NBEA: variants seen among roughly 807,000 people sequenced by gnomAD.
NBEA encodes the protein neurobeachin, also known as lysosomal-trafficking regulator 2.
In NBEA, 44 loss-of-function variants were observed where a neutral mutation model predicts 343.4. The observed-to-expected ratio is 0.13, with a 90% CI of 0.10 to 0.16. The LOEUF is 0.16. Among genes scored for constraint, NBEA ranks in the 10% least tolerant of loss-of-function variants. NBEA has a pLI of 1.00. For synonymous variants in NBEA, 1,175 were observed against 1,238.7 expected, an observed-to-expected ratio of 0.95 and a Z score of 1.08; for missense variants, 2,555 against 3,631.3, an observed-to-expected ratio of 0.70 and a Z score of 7.62.
intron 38 of NBEA, among the ~76,000 whole-genome samples, chr13:35,412,048 T>C: frequency 6.6e-6 from 1 of 152,188 alleles, no homozygotes; most frequent in East Asian, 1.9e-4. Context: ...CCTTAAACTA[T>C]ATCCTGTTCA....
chr13:35,157,321 A>C lies in NBEA; in HGVS notation c.2844+51A>C, dbSNP rs532607853. ...ATCATCAGAGTTATTGCAGTGGATTAAATGGCTACAAACATGCATCTGGTG... is the reference window on the plus strand; with the variant it reads ...ATCATCAGAGTTATTGCAGTGGATTCAATGGCTACAAACATGCATCTGGTG... On this transcript the variant is annotated intron_variant, in intron 21 of 58. Transcript: ENST00000379939. The C allele has an allele frequency of 6.6e-5, 88 of 1,323,836 alleles. 2 individuals are homozygous for C. In the South Asian group the frequency reaches 1.6e-3, roughly 24 times the overall value. 82.0% of individuals were successfully genotyped at this position (1,323,836 alleles called of 1,614,324 possible).
chr13:35,588,790 C>A (rs1283175690), intron 46 of NBEA, among the ~76,000 whole-genome samples: 1 of 152,094 alleles, frequency 6.6e-6, no homozygotes, highest in African/African-American at 2.4e-5. Context: ...AAATCTTTTT[C>A]CCTGGCTTGC....
At chr13:35,406,882 AAAATACTTGCTCTT>A (rs751880385) in intron 38 of NBEA, among the ~76,000 whole-genome samples, 5 of 152,052 alleles carry the variant, frequency 3.3e-5, no homozygotes, top group Non-Finnish European at 7.4e-5. Flanking sequence ...CAACACACTT[AAAATACTTGCTCTT>A]ATGTCTTACA....
At chr13:35,377,159 T>A (rs944329808) in intron 38 of NBEA, among the ~76,000 whole-genome samples, 1 of 152,202 alleles carries the variant, frequency 6.6e-6, no homozygotes, top group African/African-American at 2.4e-5. Context: ...AAGAAACAGA[T>A]GTCTCCACCA....
intron 34 of NBEA, among the ~76,000 whole-genome samples, chr13:35,264,165 G>GA (rs964095857): frequency 1.0e-3 from 147 of 145,498 alleles, no homozygotes; most frequent in African/African-American, 1.8e-3. Context: ...TAGAAGAAAT[G>GA]AAAAAAAAAA....
chr13:34,962,117 G>A (rs941957014), intron 1 of NBEA, among the ~76,000 whole-genome samples: 3 of 151,958 alleles, frequency 2.0e-5, no homozygotes, highest in African/African-American at 2.4e-5. Context: ...TTATGTATAT[G>A]GCTTGTATCT....
intron 1 of NBEA, among the ~76,000 whole-genome samples, chr13:35,010,593 A>T (rs1264426104): frequency 6.7e-6 from 1 of 148,818 alleles, no homozygotes. Context: ...AAAAAAAAAA[A>T]ATAGATGGGC....
At chr13:34,963,580 A>G (rs908531797) in intron 1 of NBEA, among the ~76,000 whole-genome samples, 1 of 152,036 alleles carries the variant, frequency 6.6e-6, no homozygotes, top group Non-Finnish European at 1.5e-5. Flanking sequence ...AGTGATAAAA[A>G]TGTAAGGTCT....
intron 33 of NBEA, 95 bp from the exon 34 acceptor site, chr13:35,232,396 AT>A: frequency 1.2e-6 from 1 of 848,434 alleles, no homozygotes; most frequent in South Asian, 1.9e-5. Context: ...TAGAAAGGAC[AT>A]TTATGATTTT....
chr13:35,422,456 T>C (rs1354567669), intron 38 of NBEA, among the ~76,000 whole-genome samples: 3 of 152,244 alleles, frequency 2.0e-5, no homozygotes, highest in South Asian at 2.1e-4. Flanking sequence ...GTTTCATCCA[T>C]GTCCCTACAA....
intron 46 of NBEA, among the ~76,000 whole-genome samples, chr13:35,586,444 T>G (rs984638220): frequency 6.6e-6 from 1 of 152,182 alleles, no homozygotes; most frequent in South Asian, 2.1e-4. Context: ...GACTAACTAG[T>G]CTTTTGAGAA....
At chr13:35,170,084 G>A (rs2070345349) in intron 25 of NBEA, among the ~76,000 whole-genome samples, 1 of 151,714 alleles carries the variant, frequency 6.6e-6, no homozygotes, top group South Asian at 2.1e-4. Flanking sequence ...TATAATGCTT[G>A]TAGTAGCCAC....
intron 44 of NBEA, 128 bp downstream of exon 44, chr13:35,555,230 C>T: frequency 1.9e-6 from 1 of 518,624 alleles, no homozygotes; most frequent in Non-Finnish European, 3.3e-6. Flanking sequence ...TTGAAGCACT[C>T]ACATTAAATT....
intron 13 of NBEA, among the ~76,000 whole-genome samples, chr13:35,113,627 A>ATCTATCCGTCTG (rs138177740): frequency 1.3e-5 from 2 of 150,610 alleles, no homozygotes; most frequent in African/African-American, 4.9e-5. Flanking sequence ...CTATCTATCT[A>ATCTATCCGTCTG]TCTGTCTGTC....
At chr13:35,167,450 C>CAT (rs947643291) in intron 24 of NBEA, among the ~76,000 whole-genome samples, 9 of 150,368 alleles carry the variant, frequency 6.0e-5, no homozygotes, top group African/African-American at 7.4e-5. Context: ...AAAAAAAGAA[C>CAT]ATATATATAT....
chr13:35,358,509 G>T (rs976557277), intron 38 of NBEA, among the ~76,000 whole-genome samples: 1 of 151,772 alleles, frequency 6.6e-6, no homozygotes, highest in Admixed American at 6.6e-5. Flanking sequence ...TTTGAGGTTA[G>T]GAGTTCAAGA....
chr13:35,499,009 C>G (rs2076786637), intron 41 of NBEA, among the ~76,000 whole-genome samples: 1 of 152,018 alleles, frequency 6.6e-6, no homozygotes, highest in African/African-American at 2.4e-5. Context: ...TATTTCTGGC[C>G]TTGGTTCTAT....
chr13:35,373,804 G>A (rs961535598), intron 38 of NBEA, among the ~76,000 whole-genome samples: 1 of 152,008 alleles, frequency 6.6e-6, no homozygotes, highest in Non-Finnish European at 1.5e-5. Flanking sequence ...GTCTTAATTT[G>A]TATCATCTTC....
chr13:35,481,033 C>A (rs1051195257), intron 41 of NBEA, among the ~76,000 whole-genome samples: 4 of 151,910 alleles, frequency 2.6e-5, no homozygotes, highest in Non-Finnish European at 5.9e-5. Context: ...TATTTTATTT[C>A]TTCAACTAGA....
Sources: gnomAD v4.1 joint callset for allele counts (sites outside exome capture counted in the v4.1 genomes callset) on GRCh38, gnomAD v4.1.1 for gene constraint, MANE v1.5 for transcripts, NCBI Gene and HGNC (gene_info 2026-07-23, HGNC 2026-07-21) for gene names.